The following SCD5 variants were observed in gnomAD, a reference collection of about 807,000 sequenced individuals.
SCD5 encodes stearoyl-CoA desaturase 5.
Under a neutral mutation model 30.4 loss-of-function variants are expected in SCD5, and 20 were observed. The ratio of observed to expected loss-of-function variants is 0.66; its 90% confidence interval spans 0.46 to 0.96. SCD5 has a LOEUF of 0.96. Ranked by LOEUF, SCD5 falls within the 40% of genes least tolerant of loss-of-function variation. The probability of loss-of-function intolerance (pLI) is 0.00; values close to 1 mark genes in which losing one functional copy is unlikely to be tolerated. For synonymous variants in SCD5, 173 were observed against 176.4 expected (o/e 0.98, Z 0.16); for missense variants, 381 against 443.3 (o/e 0.86, Z 1.26).
intron 3 of SCD5, among the ~76,000 whole-genome samples, chr4:82,668,777 A>T (rs1232379010): frequency 6.6e-6 from 1 of 152,180 alleles, no homozygotes; most frequent in Non-Finnish European, 1.5e-5. Context: ...AGGGTAATTG[A>T]GTAGTAAGGG....
In SCD5 at chr4:82,798,504, G is replaced by T; in HGVS notation, c.34C>A (p.Pro12Thr). Residue 12 changes from proline (P) to threonine (T), a missense_variant, in exon 1 of 5, where the codon CCT (proline) becomes ACT (threonine). Transcript: ENST00000319540. ...ATTTCTTCCTTGGCGTCGCAGAAAG[G>T]GATCTTCCCCGCGTCGGTGGCCGGG... ...PGPATDAGKIPFCDAKEEIRA... is the reference protein window; with the variant it reads ...PGPATDAGKITFCDAKEEIRA... 1 of 1,608,290 alleles carries T rather than the reference G, an allele frequency of 6.2e-7. No individual in the cohort carries two copies. Among genetic ancestry groups the T allele is most frequent in the Non-Finnish European group, 8.5e-7 (1 of 1,177,684 alleles).
chr4:82,730,154 G>A (rs1720596009), intron 1 of SCD5, among the ~76,000 whole-genome samples: 1 of 150,420 alleles, frequency 6.6e-6, no homozygotes, highest in African/African-American at 2.4e-5. Flanking sequence ...CAGGACCCCA[G>A]CTGAGGAACC....
At chr4:82,738,406 G>A (rs984919889) in intron 1 of SCD5, among the ~76,000 whole-genome samples, 1 of 152,188 alleles carries the variant, frequency 6.6e-6, no homozygotes, top group Admixed American at 6.5e-5. Context: ...TGGCAACAGA[G>A]TGAGACTCCG....
At chr4:82,751,752 G>A (rs911553635) in intron 1 of SCD5, among the ~76,000 whole-genome samples, 2 of 152,186 alleles carry the variant, frequency 1.3e-5, no homozygotes, top group African/African-American at 4.8e-5. Context: ...TCAGCCTACC[G>A]AGTAGCTGGG....
chr4:82,719,948 C>T (rs1007738664), intron 1 of SCD5, among the ~76,000 whole-genome samples: 5 of 151,684 alleles, frequency 3.3e-5, no homozygotes, highest in Admixed American at 3.3e-4. Context: ...ATTACAGGCG[C>T]ACACCACCAC....
At chr4:82,633,182 C>T (rs1370185212) in intron 4 of SCD5, among the ~76,000 whole-genome samples, 2 of 138,720 alleles carry the variant, frequency 1.4e-5, no homozygotes, top group Non-Finnish European at 3.1e-5. Flanking sequence ...CACCATTCTG[C>T]TCTACTTCGT....
At chr4:82,759,145 C>G (rs1026883741) in intron 1 of SCD5, among the ~76,000 whole-genome samples, 5 of 152,244 alleles carry the variant, frequency 3.3e-5, no homozygotes, top group Non-Finnish European at 5.9e-5. Flanking sequence ...ACTGTGCCTT[C>G]TATCTGAGTG....
intron 2 of SCD5, among the ~76,000 whole-genome samples, chr4:82,690,415 A>C (rs973693629): frequency 6.6e-6 from 1 of 152,216 alleles, no homozygotes; most frequent in African/African-American, 2.4e-5. Flanking sequence ...TGAAAAAATT[A>C]TTTCAAAATA....
chr4:82,679,032 T>A (rs1373766268), intron 3 of SCD5, among the ~76,000 whole-genome samples: 2 of 151,544 alleles, frequency 1.3e-5, no homozygotes, highest in African/African-American at 2.4e-5. Context: ...ACCCTGTCTC[T>A]ACTAAAAAAT....
At chr4:82,778,178 G>A (rs1560560904) in intron 1 of SCD5, among the ~76,000 whole-genome samples, 1 of 152,022 alleles carries the variant, frequency 6.6e-6, no homozygotes, top group Non-Finnish European at 1.5e-5. Flanking sequence ...GAAAACACAT[G>A]AACACAGGGA....
At chr4:82,758,525 T>C (rs1721278240) in intron 1 of SCD5, among the ~76,000 whole-genome samples, 1 of 152,136 alleles carries the variant, frequency 6.6e-6, no homozygotes. Flanking sequence ...TAAGGCCATA[T>C]TCTGAGAAAC....
At chr4:82,665,440 T>C (rs979076791) in intron 3 of SCD5, among the ~76,000 whole-genome samples, 2 of 151,786 alleles carry the variant, frequency 1.3e-5, no homozygotes, top group South Asian at 2.1e-4. Context: ...ATAAAATATA[T>C]TGAAGTCAGT....
chr4:82,694,043 TG>T (rs1235558114), intron 2 of SCD5, among the ~76,000 whole-genome samples: 1 of 152,216 alleles, frequency 6.6e-6, no homozygotes, highest in Non-Finnish European at 1.5e-5. Flanking sequence ...ACTGCTGTCC[TG>T]GGCTCTTGGG....
chr4:82,775,001 C>G (rs141069035), intron 1 of SCD5, among the ~76,000 whole-genome samples: 119 of 152,302 alleles, frequency 7.8e-4, no homozygotes, highest in African/African-American at 2.8e-3. Context: ...CTGGCATGTT[C>G]CAGATTCTCT....
intron 1 of SCD5, among the ~76,000 whole-genome samples, chr4:82,745,658 TCCCACCCCTG>T (rs1720967265): frequency 6.6e-6 from 1 of 152,176 alleles, no homozygotes; most frequent in Non-Finnish European, 1.5e-5. Context: ...TCCTCTCTCC[TCCCACCCCTG>T]CCCAATGATT....
intron 1 of SCD5, among the ~76,000 whole-genome samples, chr4:82,763,679 G>C (rs1350803384): frequency 6.6e-6 from 1 of 152,202 alleles, no homozygotes; most frequent in East Asian, 1.9e-4. Flanking sequence ...GCAGGAAGAG[G>C]GCAGACATCT....
intron 1 of SCD5, among the ~76,000 whole-genome samples, chr4:82,785,581 G>C (rs1244968490): frequency 6.6e-6 from 1 of 152,184 alleles, no homozygotes; most frequent in East Asian, 1.9e-4. Context: ...TATACCTGAG[G>C]TATATATGTC....
Position 82,633,538 on chromosome 4 carries a change from A to G in SCD5, c.803-2021T>C, listed in dbSNP as rs570049526. ...AGATCATATGGTAGCTCTATTTTTA[A>G]TTTTTTTGAGCAACCTCCATACTGT... On this transcript the variant is annotated intron_variant, in intron 4 of 4. Transcript: ENST00000319540. 2.6e-5 allele frequency among the ~76,000 whole-genome samples: 4 copies of G among 152,230 alleles called. No homozygotes were observed. In the East Asian group the frequency reaches 7.7e-4, roughly 29 times the overall value.
chr4:82,695,266 T>TATTC (rs1719675022), intron 2 of SCD5, among the ~76,000 whole-genome samples: 1 of 152,206 alleles, frequency 6.6e-6, no homozygotes, highest in African/African-American at 2.4e-5. Flanking sequence ...TTTATTTATT[T>TATTC]ATTTAGCTGG....
Sources: gnomAD v4.1 joint callset for allele counts (sites outside exome capture counted in the v4.1 genomes callset) on GRCh38, gnomAD v4.1.1 for gene constraint, MANE v1.5 for transcripts, NCBI Gene and HGNC (gene_info 2026-07-23, HGNC 2026-07-21) for gene names.